The following ZNF282 variants were observed in gnomAD, a reference collection of about 807,000 sequenced individuals.
ZNF282 encodes HTLV-I U5 repressive element-binding protein 1.
In ZNF282, 30 loss-of-function variants were observed where a neutral mutation model predicts 61.9. That is an observed-to-expected ratio of 0.48 (90% CI 0.36 to 0.66). ZNF282 has a LOEUF of 0.66. Ranked by LOEUF, ZNF282 falls within the 30% of genes least tolerant of loss-of-function variation. The pLI is 0.00. For missense variants in ZNF282, 788 were observed against 941.4 expected, an observed-to-expected ratio of 0.84 and a Z score of 2.13; for synonymous variants, 396 against 405.0, an observed-to-expected ratio of 0.98 and a Z score of 0.27.
At position 149,223,845 on chromosome 7, in the gene ZNF282, C is replaced by T. The variant is rs756700401; in HGVS notation, c.1214C>T (p.Pro405Leu). ...DSLLMVKNPP[P>L]APPQPQPQPQ... ...CTGCTGATGGTGAAGAACCCACCCC[C>T]GGCCCCGCCACAGCCCCAGCCCCAG... The change falls in exon 8 of 8, where the codon CCG (proline) becomes CTG (leucine). Residue 405 changes from proline (P) to leucine (L), a missense_variant. Pro to Leu is a moderately conservative substitution (Grantham distance 98). Transcript: ENST00000610704. 1 of 1,456,778 alleles carries T rather than the reference C, an allele frequency of 6.9e-7. No individual in the cohort carries two copies. The highest frequency in any genetic ancestry group is 9.0e-7 in the Non-Finnish European group (1 of 1,109,410). 90.2% of individuals were successfully genotyped at this position (1,456,778 alleles called of 1,614,324 possible).
At chr7:149,221,032 G>A (rs1057026834) in intron 7 of ZNF282, among the ~76,000 whole-genome samples, 3 of 151,198 alleles carry the variant, frequency 2.0e-5, no homozygotes, top group East Asian at 1.9e-4. Flanking sequence ...TAATCCTCTC[G>A]CATCAGTCTT....
At chr7:149,209,566 G>T (rs1477739186) in intron 4 of ZNF282, among the ~76,000 whole-genome samples, 2 of 152,174 alleles carry the variant, frequency 1.3e-5, no homozygotes, top group African/African-American at 4.8e-5. Context: ...AACAGTTTCA[G>T]TTGGTTATCA....
chr7:149,206,583 C>CGGAGA (rs1225858831), intron 2 of ZNF282, 113 bp from the exon 3 acceptor site: 1 of 1,521,890 alleles, frequency 6.6e-7, no homozygotes, highest in African/African-American at 1.4e-5. Flanking sequence ...TGGGGAGCCA[C>CGGAGA]GGAGAGCAAA....
chr7:149,218,067 C>T (rs1796186311), intron 7 of ZNF282, among the ~76,000 whole-genome samples: 3 of 148,204 alleles, frequency 2.0e-5, no homozygotes, highest in Non-Finnish European at 4.4e-5. Context: ...CATGCCACTG[C>T]ACTCCAGCCT....
In ZNF282 at chr7:149,224,197, G is replaced by C. The variant is rs769899977; in HGVS notation, c.1566G>C (p.Glu522Asp). The change falls in exon 8 of 8, where the codon GAG becomes GAC. Residue 522 changes from glutamate to aspartate, a missense_variant. By Grantham distance (45) the Glu-to-Asp change is conservative. Around this residue, in one of 3 missense-constraint regions of ZNF282, gnomAD observed 559 missense variants for 642.0 expected, o/e 0.87. Coordinates refer to ENST00000610704, the MANE Select transcript of ZNF282 (RefSeq NM_003575.4). ...GARSKPYSCP[E>D]CGKSFGVRKS... ...GCAGCAAGCCCTACTCGTGCCCCGA[G>C]TGCGGCAAGAGCTTCGGCGTGCGCA... The C allele has an allele frequency of 2.5e-6, 4 of 1,606,462 alleles. No individual in the cohort carries two copies. The highest frequency in any genetic ancestry group is 3.4e-6 in the Non-Finnish European group (4 of 1,179,630).
At chr7:149,200,889 G>A (rs150723284) in intron 2 of ZNF282, among the ~76,000 whole-genome samples, 16 of 152,208 alleles carry the variant, frequency 1.1e-4, no homozygotes, top group Non-Finnish European at 2.2e-4. Flanking sequence ...GAGCCACCAC[G>A]CCCAGCTAGT....
chr7:149,212,263 G>C (rs1585569256), intron 5 of ZNF282, 95 bp from the exon 6 acceptor site: 2 of 792,278 alleles, frequency 2.5e-6, no homozygotes, highest in East Asian at 5.6e-5. Flanking sequence ...AGGGGAAAGA[G>C]ATAATTGCAT....
At chr7:149,219,382 G>T (rs554288967) in intron 7 of ZNF282, among the ~76,000 whole-genome samples, 1 of 152,322 alleles carries the variant, frequency 6.6e-6, no homozygotes, top group Admixed American at 6.5e-5. Context: ...AGAGATCTTA[G>T]CTCTGAGCAT....
Position 149,224,670 on chromosome 7 carries a change from G to T in ZNF282, c.*23G>T. On this transcript the variant is annotated 3_prime_UTR_variant, in exon 8 of 8. Transcript: ENST00000610704. ...TAGGGCTGGGCTGGGGGAGGGCAGGGCCGGACGGAGTGGATCGGGGGCGGC... is the reference window on the plus strand; with the variant it reads ...TAGGGCTGGGCTGGGGGAGGGCAGGTCCGGACGGAGTGGATCGGGGGCGGC... 6.8e-7 allele frequency: 1 copy of T among 1,478,892 alleles called. No homozygotes were observed. Among genetic ancestry groups the T allele is most frequent in the Non-Finnish European group, 8.9e-7 (1 of 1,118,730 alleles). The allele number at this position is 1,478,892 out of a possible 1,614,324, so 91.6% of individuals were successfully genotyped here.
Position 149,213,778 on chromosome 7 carries a change from T to C in ZNF282, c.1144T>C (p.Ser382Pro), listed in dbSNP as rs1341366472. The C allele has an allele frequency of 6.2e-7, 1 of 1,613,990 alleles. No individual in the cohort carries two copies. The highest frequency in any genetic ancestry group is 2.2e-5 in the East Asian group (1 of 44,842). Reference sequence around the variant, plus strand: ...GCCATACCCATGGGGACCACGCGACTCAATGGACGGAGAGCTTGGATTAGA... The same window carrying C: ...GCCATACCCATGGGGACCACGCGACCCAATGGACGGAGAGCTTGGATTAGA... ...EQPYPWGPRD[S>P]MDGELGLDSG... Residue 382 changes from serine (S) to proline (P), a missense_variant, in exon 7 of 8, where the codon TCA (serine) becomes CCA (proline). Around this residue, in one of 3 missense-constraint regions of ZNF282, gnomAD observed 559 missense variants for 642.0 expected, o/e 0.87. Transcript: ENST00000610704.
intron 2 of ZNF282, among the ~76,000 whole-genome samples, chr7:149,201,506 A>G (rs988115735): frequency 3.9e-5 from 6 of 152,168 alleles, no homozygotes; most frequent in African/African-American, 1.2e-4. Context: ...TAATCCCAGC[A>G]CTTTGGAAGG....
intron 7 of ZNF282, among the ~76,000 whole-genome samples, chr7:149,220,305 G>T (rs888528106): frequency 6.6e-6 from 1 of 152,144 alleles, no homozygotes; most frequent in South Asian, 2.1e-4. Flanking sequence ...CCAGCTACTC[G>T]GGAGGCTGAG....
At chr7:149,205,200 G>A (rs187008443) in intron 2 of ZNF282, among the ~76,000 whole-genome samples, 2 of 152,266 alleles carry the variant, frequency 1.3e-5, no homozygotes, top group East Asian at 3.9e-4. Context: ...AGCAATTTGG[G>A]AGGCTGAGGT....
chr7:149,215,113 A>G (rs1796142220), intron 7 of ZNF282, among the ~76,000 whole-genome samples: 1 of 152,002 alleles, frequency 6.6e-6, no homozygotes, highest in South Asian at 2.1e-4. Context: ...CTTGCCCTCA[A>G]CATGGCTGAC....
Position 149,198,546 on chromosome 7 carries a change from G to C in ZNF282, c.379G>C (p.Gly127Arg). Residue 127 changes from glycine (G) to arginine (R), a missense_variant, in exon 2 of 8, where the codon GGG becomes CGG. Coordinates refer to ENST00000610704, the MANE Select transcript of ZNF282 (RefSeq NM_003575.4). The surrounding 1 kb of genome is among the most constrained non-coding windows in gnomAD (Gnocchi z 4.3). ...SQLLNLEGRT[G>R]TAEKKLADCE... is the part of the protein sequence containing the mutation. Reference sequence around the variant, plus strand: ...GCTGCTGAACCTGGAGGGGCGCACGGGGACAGCCGAGAAGAAGCTGGCCGA... The same window carrying C: ...GCTGCTGAACCTGGAGGGGCGCACGCGGACAGCCGAGAAGAAGCTGGCCGA... 1 of 1,614,218 alleles carries C rather than the reference G, an allele frequency of 6.2e-7. No homozygotes were observed.
chr7:149,220,020 C>A (rs1796213206), intron 7 of ZNF282, among the ~76,000 whole-genome samples: 1 of 152,096 alleles, frequency 6.6e-6, no homozygotes, highest in Non-Finnish European at 1.5e-5. Context: ...CCACATGGGC[C>A]TAGGGAGGGG....
Position 149,198,317 on chromosome 7 carries a change from C to G in ZNF282, c.166-16C>G, listed in dbSNP as rs1328730300. Reference sequence around the variant, plus strand: ...AGGTCTCATCCTGGGTTGTCGCTTTCTCCCTCTGCATACAGGCTCAAGAAT... The same window carrying G: ...AGGTCTCATCCTGGGTTGTCGCTTTGTCCCTCTGCATACAGGCTCAAGAAT... On this transcript the variant is annotated splice_polypyrimidine_tract_variant and intron_variant, in intron 1 of 7. Transcript: ENST00000610704. This position sits in a 1 kb window ranked among gnomAD's most constrained non-coding sequence, Gnocchi z 4.3. 1.3e-6 allele frequency: 2 copies of G among 1,584,408 alleles called. No homozygotes were observed. Among genetic ancestry groups the G allele is most frequent in the Non-Finnish European group, 8.6e-7 (1 of 1,163,036 alleles).
chr7:149,222,885 A>T (rs890489382), intron 7 of ZNF282, among the ~76,000 whole-genome samples: 11 of 152,184 alleles, frequency 7.2e-5, no homozygotes, highest in Non-Finnish European at 1.2e-4. Context: ...TGACCTCGTG[A>T]TCCACCCACC....
intron 2 of ZNF282, 91 bp from the exon 3 acceptor site, chr7:149,206,605 G>C: frequency 1.3e-6 from 2 of 1,583,602 alleles, no homozygotes; most frequent in Non-Finnish European, 1.7e-6. Flanking sequence ...GCCGGGCTTT[G>C]GTGGGGAGTG....
Sources: allele counts gnomAD v4.1 joint callset (sites outside exome capture counted in the v4.1 genomes callset), GRCh38; gene constraint gnomAD v4.1.1; regional missense constraint gnomAD v4.1.1; non-coding constraint Gnocchi (gnomAD v3.1); transcripts MANE v1.5; gene names NCBI Gene and HGNC (gene_info 2026-07-23, HGNC 2026-07-21).